The following CDCA7L variants were observed in gnomAD, a reference collection of about 807,000 sequenced individuals.
CDCA7L encodes cell division cycle-associated 7-like protein.
A neutral mutation model predicts 57.4 loss-of-function variants in CDCA7L; 44 were observed. The observed-to-expected ratio is 0.77, with a 90% CI of 0.60 to 0.98. The LOEUF is 0.98. Among genes scored for constraint, CDCA7L ranks in the 50% least tolerant of loss-of-function variants. The probability of loss-of-function intolerance (pLI) is 0.00; values close to 1 mark genes in which losing one functional copy is unlikely to be tolerated. For synonymous variants in CDCA7L, 236 were observed against 202.8 expected (o/e 1.16, Z -1.39); for missense variants, 644 against 580.6 (o/e 1.11, Z -1.12).
chr7:21,904,254 G>GTT lies in CDCA7L; in HGVS notation c.1051_1052dup (p.Asn351LysfsTer102). ...TCTTTTGTCGACACTGATGGCACGT[G>GTT]TTACCCTACAGGGGGAAGGCAGTGA... On this transcript the variant is annotated frameshift_variant, in exon 8 of 10. Coordinates refer to ENST00000406877, the MANE Select transcript of CDCA7L (RefSeq NM_018719.5). LOFTEE classifies it high-confidence loss of function. 1 of 1,603,400 alleles carries GTT rather than the reference G, an allele frequency of 6.2e-7. No homozygotes were observed. The highest frequency in any genetic ancestry group is 8.5e-7 in the Non-Finnish European group (1 of 1,174,922).
At position 21,909,238 on chromosome 7, in the gene CDCA7L, T is replaced by TAA. The variant is rs1206947954; in HGVS notation, c.304-733_304-732dup. Among the ~76,000 whole-genome samples the TAA allele has an allele frequency of 2.0e-5, 3 of 152,270 alleles. No individual in the cohort carries two copies. The East Asian group carries it at 5.8e-4, about 29-fold the overall frequency. On this transcript the variant is annotated intron_variant, in intron 3 of 9. Coordinates refer to ENST00000406877, the MANE Select transcript of CDCA7L (RefSeq NM_018719.5). ...AGAACACAGTAAATATGGAAGGCAG[T>TAA]AACAGGGATACATCACCTAGGTGAC...
chr7:21,937,577 A>T (rs4487646), intron 1 of CDCA7L, among the ~76,000 whole-genome samples: 1 of 151,560 alleles, frequency 6.6e-6, no homozygotes, highest in African/African-American at 2.4e-5. Flanking sequence ...GGCAGAGGTT[A>T]CAGTGAGCCG....
chr7:21,906,655 AAAG>A lies in CDCA7L; in HGVS notation c.682-19_682-17del, dbSNP rs772448372. On this transcript the variant is annotated splice_polypyrimidine_tract_variant and intron_variant, in intron 4 of 9. Transcript: ENST00000406877. Reference sequence around the variant, plus strand: ...ACTGGGCAAGCTGAAGTTCAGAACAAAAGAAAGAATCTTACAAAAATAGGGCTC... The same window carrying A: ...ACTGGGCAAGCTGAAGTTCAGAACAAAAAGAATCTTACAAAAATAGGGCTC... 3.2e-5 allele frequency: 51 copies of A among 1,613,218 alleles called. No individual in the cohort carries two copies. In the Admixed American group the frequency reaches 8.3e-4, roughly 26 times the overall value.
intron 1 of CDCA7L, among the ~76,000 whole-genome samples, chr7:21,936,215 G>C (rs1207981918): frequency 6.6e-6 from 1 of 152,144 alleles, no homozygotes; most frequent in Admixed American, 6.5e-5. Context: ...GTAAACCCCA[G>C]GACAAGATGG....
intron 1 of CDCA7L, among the ~76,000 whole-genome samples, chr7:21,929,631 C>T: frequency 2.8e-5 from 1 of 35,506 alleles, no homozygotes; most frequent in Non-Finnish European, 4.5e-5. Flanking sequence ...AAATGGAAAG[C>T]AAAAAAAAAA....
chr7:21,933,415 G>T (rs1285593487), intron 1 of CDCA7L, among the ~76,000 whole-genome samples: 1 of 152,170 alleles, frequency 6.6e-6, no homozygotes, highest in Non-Finnish European at 1.5e-5. Flanking sequence ...GCCCATCAAT[G>T]ATAGACTGGA....
At chr7:21,911,523 T>A in intron 3 of CDCA7L, 94 bp downstream of exon 3, 2 of 1,415,620 alleles carry the variant, frequency 1.4e-6, no homozygotes, top group Non-Finnish European at 1.9e-6. Flanking sequence ...AGAAAAATCT[T>A]TTCACTTGTG....
intron 4 of CDCA7L, 139 bp from the exon 5 acceptor site, chr7:21,906,778 C>T (rs1283515528): frequency 2.8e-6 from 2 of 723,068 alleles, no homozygotes; most frequent in African/African-American, 1.8e-5. Flanking sequence ...AACAGTTATA[C>T]TTTTAACCTC....
At chr7:21,945,731 A>G (rs914016996) in intron 1 of CDCA7L, 50 bp downstream of exon 1, 2 of 1,599,998 alleles carry the variant, frequency 1.3e-6, no homozygotes. Flanking sequence ...TGGCAAAGGG[A>G]AGTCAAACTG....
chr7:21,909,066 C>G (rs1785234115), intron 3 of CDCA7L, among the ~76,000 whole-genome samples: 1 of 152,168 alleles, frequency 6.6e-6, no homozygotes, highest in Admixed American at 6.5e-5. Flanking sequence ...CTGGAACCCT[C>G]AGAGCCATGA....
intron 1 of CDCA7L, among the ~76,000 whole-genome samples, chr7:21,940,690 G>A (rs1786316045): frequency 6.6e-6 from 1 of 152,240 alleles, no homozygotes; most frequent in Non-Finnish European, 1.5e-5. Context: ...TGGAGAACCT[G>A]CTGTAGATGC....
intron 8 of CDCA7L, among the ~76,000 whole-genome samples, 179 bp from the exon 9 acceptor site, chr7:21,903,293 C>T (rs1195711703): frequency 6.6e-6 from 1 of 152,194 alleles, no homozygotes; most frequent in African/African-American, 2.4e-5. Context: ...CCCCACGTCA[C>T]ATGCAAACAC....
chr7:21,909,277 C>T (rs773370028), intron 3 of CDCA7L, among the ~76,000 whole-genome samples: 11 of 151,856 alleles, frequency 7.2e-5, no homozygotes, highest in East Asian at 5.8e-4. Context: ...TTGGATGTGA[C>T]GGGACTCTTA....
rs1443300888 is a variant in CDCA7L at position 21,902,054 on chromosome 7, C to T, written c.*268G>A. On this transcript the variant is annotated 3_prime_UTR_variant, in exon 10 of 10. Transcript: ENST00000406877. ...GAACTTTAACCCCACCCCATTTAAA[C>T]TGTGCTTTTTAATAACTGGCAGATA... 6.3e-6 allele frequency: 3 copies of T among 475,718 alleles called. No homozygotes were observed. The highest frequency in any genetic ancestry group is 3.8e-6 in the Non-Finnish European group (1 of 263,666). 29.5% of individuals were successfully genotyped at this position (475,718 alleles called of 1,614,324 possible). A position where few individuals can be genotyped will look rare whatever the true frequency, so the allele number is the denominator to read the frequency against.
intron 1 of CDCA7L, among the ~76,000 whole-genome samples, chr7:21,919,603 G>A (rs1351326461): frequency 2.0e-5 from 3 of 152,108 alleles, no homozygotes; most frequent in African/African-American, 7.2e-5. Context: ...TAAATCACAA[G>A]TTCATGGTGA....
intron 9 of CDCA7L, chr7:21,902,609 AT>A (rs1784959353): frequency 7.6e-6 from 4 of 525,204 alleles, no homozygotes; most frequent in South Asian, 7.1e-5. Context: ...TGTAACTCAC[AT>A]TCTGTCCTCT....
intron 1 of CDCA7L, among the ~76,000 whole-genome samples, chr7:21,935,890 T>G (rs1786147228): frequency 6.6e-6 from 1 of 152,006 alleles, no homozygotes. Context: ...GCGCCTGTAA[T>G]CCCAGCTACT....
At position 21,902,258 on chromosome 7, in the gene CDCA7L, C is replaced by CAATGGTAT; in HGVS notation, c.*56_*63dup. ...CTGTAAAAAAATCTTTCTTAGGCAC[C>CAATGGTAT]AATGGTATGCATGTCTTGTTGGAGT... On this transcript the variant is annotated 3_prime_UTR_variant, in exon 10 of 10. Transcript: ENST00000406877. 1.4e-6 allele frequency: 2 copies of CAATGGTAT among 1,445,620 alleles called. No homozygotes were observed. Among genetic ancestry groups the CAATGGTAT allele is most frequent in the Non-Finnish European group, 1.9e-6 (2 of 1,028,166 alleles). 89.5% of individuals were successfully genotyped at this position (1,445,620 alleles called of 1,614,324 possible).
chr7:21,911,497 G>T (rs753413778), intron 3 of CDCA7L, 120 bp downstream of exon 3: 1 of 1,264,558 alleles, frequency 7.9e-7, no homozygotes, highest in Non-Finnish European at 1.1e-6. Context: ...TTAATTGCTT[G>T]TAAGATAAAT....
Sources: gnomAD v4.1 joint callset for allele counts (sites outside exome capture counted in the v4.1 genomes callset) on GRCh38, gnomAD v4.1.1 for gene constraint, MANE v1.5 for transcripts, NCBI Gene and HGNC (gene_info 2026-07-23, HGNC 2026-07-21) for gene names.